The following CNTNAP2 variants were observed in gnomAD, a reference collection of about 807,000 sequenced individuals.
CNTNAP2 encodes the protein contactin associated protein 2.
In CNTNAP2, 98 loss-of-function variants were observed where a neutral mutation model predicts 155.2. The ratio of observed to expected loss-of-function variants is 0.63; its 90% CI spans 0.54 to 0.75. The LOEUF (loss-of-function observed/expected upper bound fraction) is 0.75, where lower values mean the gene tolerates loss of function less well. Among genes scored for constraint, CNTNAP2 ranks in the 30% least tolerant of loss-of-function variants. CNTNAP2 has a pLI of 0.00. For synonymous variants in CNTNAP2, 651 were observed against 631.2 expected, an observed-to-expected ratio of 1.03 and a Z score of -0.47; for missense variants, 1,727 against 1,688.1, an observed-to-expected ratio of 1.02 and a Z score of -0.40.
At chr7:148,091,000 C>T (rs1281368031) in intron 15 of CNTNAP2, among the ~76,000 whole-genome samples, 2 of 152,022 alleles carry the variant, frequency 1.3e-5, no homozygotes, top group Non-Finnish European at 2.9e-5. Context: ...ATCCCACTTA[C>T]ATGTGGAGGG....
At chr7:147,481,458 C>T (rs1302155477) in intron 10 of CNTNAP2, among the ~76,000 whole-genome samples, 1 of 152,190 alleles carries the variant, frequency 6.6e-6, no homozygotes, top group African/African-American at 2.4e-5. Context: ...GTGCAACTGT[C>T]ATCCACAGCC....
chr7:147,250,284 A>G (rs1804167084), intron 8 of CNTNAP2, among the ~76,000 whole-genome samples: 1 of 152,228 alleles, frequency 6.6e-6, no homozygotes, highest in Non-Finnish European at 1.5e-5. Context: ...AACCTCTCCA[A>G]GTAAAACTTT....
intron 3 of CNTNAP2, among the ~76,000 whole-genome samples, chr7:146,958,416 T>TG (rs1797484043): frequency 7.5e-6 from 1 of 132,620 alleles, no homozygotes; most frequent in African/African-American, 3.2e-5. Context: ...GGTTTTTTTT[T>TG]TTTTTTTTTT....
In CNTNAP2 at chr7:146,265,458, T is replaced by C. The variant is rs567298369; in HGVS notation, c.97+148485T>C. Among the ~76,000 whole-genome samples the C allele has an allele frequency of 4.2e-3, 418 of 98,872 alleles. 2 individuals carry two copies. The highest frequency in any genetic ancestry group is 5.5e-3 in the Middle Eastern group (1 of 182). The allele number at this position is 98,872 out of a possible 152,430, so 64.9% of individuals were successfully genotyped here. A position where few individuals can be genotyped will look rare whatever the true frequency, so the allele number is the denominator to read the frequency against. On this transcript the variant is annotated intron_variant, in intron 1 of 23. Coordinates refer to ENST00000361727, the MANE Select transcript of CNTNAP2 (RefSeq NM_014141.6). ...GATTTTCTTTTTTTTTCTTTCTTTC[T>C]TTTTTTTTTTTTTCCTTGAGACAGG...
intron 1 of CNTNAP2, among the ~76,000 whole-genome samples, chr7:146,605,805 A>G (rs347193): frequency 0.13 from 20,419 of 152,106 alleles, 2,379 homozygotes; most frequent in African/African-American, 0.31. Context: ...GCTGGTGACT[A>G]GGCAGATAGT....
At chr7:146,470,016 T>G (rs1203246986) in intron 1 of CNTNAP2, among the ~76,000 whole-genome samples, 1 of 151,752 alleles carries the variant, frequency 6.6e-6, no homozygotes, top group Non-Finnish European at 1.5e-5. Context: ...ATTTTTTGTA[T>G]TTTTAGTAGA....
intron 13 of CNTNAP2, among the ~76,000 whole-genome samples, chr7:147,870,308 G>C (rs1006823383): frequency 1.3e-5 from 2 of 152,160 alleles, no homozygotes; most frequent in East Asian, 3.9e-4. Context: ...CTCTGGTGCA[G>C]TTCTAGAAAA....
chr7:146,746,980 T>C (rs552426757), intron 1 of CNTNAP2, among the ~76,000 whole-genome samples: 3 of 152,294 alleles, frequency 2.0e-5, no homozygotes, highest in Non-Finnish European at 4.4e-5. Context: ...TTGAATTTAT[T>C]GAATCAAAGA....
chr7:147,777,969 T>C (rs1363248267), intron 13 of CNTNAP2, among the ~76,000 whole-genome samples: 2 of 152,206 alleles, frequency 1.3e-5, no homozygotes, highest in Non-Finnish European at 2.9e-5. Context: ...CACACACATC[T>C]TTCTCCTCCT....
intron 9 of CNTNAP2, among the ~76,000 whole-genome samples, chr7:147,315,111 C>CAA (rs61529667): frequency 3.2e-4 from 34 of 107,150 alleles, no homozygotes; most frequent in African/African-American, 5.3e-4. Flanking sequence ...GGGTACTTTA[C>CAA]AAAAAAAAAA....
intron 21 of CNTNAP2, among the ~76,000 whole-genome samples, chr7:148,315,741 T>A (rs1797676056): frequency 6.6e-6 from 1 of 152,246 alleles, no homozygotes; most frequent in South Asian, 2.1e-4. Context: ...CTAATGAGAA[T>A]GCCTTGATAA....
chr7:147,544,559 C>T (rs943209083), intron 11 of CNTNAP2, among the ~76,000 whole-genome samples: 1 of 151,982 alleles, frequency 6.6e-6, no homozygotes, highest in African/African-American at 2.4e-5. Flanking sequence ...TGCAAGTCCT[C>T]TTTCCAGGGC....
At chr7:148,398,145 T>C (rs994073797) in intron 22 of CNTNAP2, among the ~76,000 whole-genome samples, 4 of 152,168 alleles carry the variant, frequency 2.6e-5, no homozygotes, top group Admixed American at 6.5e-5. Flanking sequence ...GGTTTGCCCA[T>C]GCCCCCCTTC....
At chr7:147,628,444 C>T (rs181289621) in intron 12 of CNTNAP2, among the ~76,000 whole-genome samples, 1 of 152,188 alleles carries the variant, frequency 6.6e-6, no homozygotes, top group East Asian at 1.9e-4. Context: ...AGAAAATTTG[C>T]CACAACTAAG....
intron 11 of CNTNAP2, among the ~76,000 whole-genome samples, chr7:147,498,171 T>C (rs1218387138): frequency 1.5e-5 from 2 of 130,402 alleles, no homozygotes; most frequent in Non-Finnish European, 1.7e-5. Context: ...CAAGCTATGA[T>C]AAAAAAAAAA....
In CNTNAP2 at chr7:146,121,106, TACATAAAGC is replaced by T. The variant is rs1205815039; in HGVS notation, c.97+4134_97+4142del. 1.7e-3 allele frequency among the ~76,000 whole-genome samples: 252 copies of T among 148,894 alleles called. 4 individuals are homozygous for T. Among genetic ancestry groups the T allele is most frequent in the Middle Eastern group, 0.01 (3 of 288 alleles). On this transcript the variant is annotated intron_variant, in intron 1 of 23. Transcript: ENST00000361727. The stretch of plus-strand genomic sequence containing the variant: ...AAACTTACTCAAATGTCTTAAAGTT[TACATAAAGC>T]TTCCTTTTTTTTTTTTTTTTTTTTT...
At chr7:146,138,867 A>G (rs865856785) in intron 1 of CNTNAP2, among the ~76,000 whole-genome samples, 10 of 149,692 alleles carry the variant, frequency 6.7e-5, no homozygotes, top group African/African-American at 2.6e-4. Context: ...GTGTAAAAAT[A>G]ATTCTGAGTA....
At chr7:146,534,510 G>A (rs1364238116) in intron 1 of CNTNAP2, among the ~76,000 whole-genome samples, 1 of 152,060 alleles carries the variant, frequency 6.6e-6, no homozygotes, top group Non-Finnish European at 1.5e-5. Flanking sequence ...GTAGAAATAT[G>A]TCTGACCCAC....
At chr7:148,233,720 A>C (rs1276908105) in intron 20 of CNTNAP2, among the ~76,000 whole-genome samples, 2 of 152,224 alleles carry the variant, frequency 1.3e-5, no homozygotes, top group Non-Finnish European at 2.9e-5. Flanking sequence ...GTCATCACAA[A>C]AACTTTATGA....
Sources: allele counts gnomAD v4.1 joint callset (sites outside exome capture counted in the v4.1 genomes callset), GRCh38; gene constraint gnomAD v4.1.1; transcripts MANE v1.5; gene names NCBI Gene and HGNC (gene_info 2026-07-23, HGNC 2026-07-21).